The following KDM4B variants were observed in gnomAD, a reference collection of about 807,000 sequenced individuals.
KDM4B encodes lysine demethylase 4B.
Under a neutral mutation model 125.2 loss-of-function variants are expected in KDM4B, and 32 were observed. The observed-to-expected ratio is 0.26, with a 90% CI of 0.19 to 0.34. KDM4B has a LOEUF of 0.34. Ranked by LOEUF, KDM4B falls within the 10% of genes least tolerant of loss-of-function variation. The probability of loss-of-function intolerance (pLI) is 1.00; values close to 1 mark genes in which losing one functional copy is unlikely to be tolerated. For missense variants in KDM4B, 1,190 were observed against 1,577.7 expected, an observed-to-expected ratio of 0.75 and a Z score of 4.16; for synonymous variants, 721 against 677.9, an observed-to-expected ratio of 1.06 and a Z score of -0.99.
intron 1 of KDM4B, among the ~76,000 whole-genome samples, chr19:4,994,461 G>T (rs2035135803): frequency 6.6e-6 from 1 of 151,394 alleles, no homozygotes; most frequent in African/African-American, 2.4e-5. Context: ...TACTCAGGAG[G>T]CTGAGGCAGG....
intron 2 of KDM4B, among the ~76,000 whole-genome samples, chr19:5,019,918 ATGTTGGTGTGGG>A (rs1176569710): frequency 8.3e-5 from 4 of 48,314 alleles, no homozygotes; most frequent in Admixed American, 2.5e-4. Context: ...GTTGGTGTGG[ATGTTGGTGTGGG>A]TGTTGGTGTG....
chr19:5,129,062 G>A lies in KDM4B; in HGVS notation c.1316-2014G>A, dbSNP rs112684252. Among the ~76,000 whole-genome samples the A allele has an allele frequency of 1.5e-3, 228 of 152,328 alleles. 1 individual carries two copies. The highest frequency in any genetic ancestry group is 4.9e-3 in the African/African-American group (203 of 41,580). Reference sequence around the variant, plus strand: ...GGGGGCCAGGGCAGTGGCGGGGGCTGCCTTCACCTTATGGCTGCTCGCCTG... The same window carrying A: ...GGGGGCCAGGGCAGTGGCGGGGGCTACCTTCACCTTATGGCTGCTCGCCTG... On this transcript the variant is annotated intron_variant, in intron 11 of 22. Coordinates refer to ENST00000159111, the MANE Select transcript of KDM4B (RefSeq NM_015015.3).
Position 5,151,541 on chromosome 19 carries a change from C to A in KDM4B, c.*30C>A. 7.6e-7 allele frequency: 1 copy of A among 1,319,090 alleles called. No individual in the cohort carries two copies. Among genetic ancestry groups the A allele is most frequent in the East Asian group, 3.1e-5 (1 of 32,310 alleles). 81.7% of individuals were successfully genotyped at this position (1,319,090 alleles called of 1,614,324 possible). ...GCTGGCCGCTCAGGCGACCCTCAGC[C>A]CGGCGGGGAGGCCATGGCATGCCCC... On this transcript the variant is annotated 3_prime_UTR_variant, in exon 23 of 23. Transcript: ENST00000159111.
intron 9 of KDM4B, among the ~76,000 whole-genome samples, chr19:5,093,917 C>T (rs1157334888): frequency 6.6e-6 from 1 of 152,232 alleles, no homozygotes; most frequent in African/African-American, 2.4e-5. Context: ...TGTCTGCCAC[C>T]TGGGTAGCCC....
chr19:5,055,137 G>A (rs1005516133), intron 6 of KDM4B, among the ~76,000 whole-genome samples: 4 of 152,228 alleles, frequency 2.6e-5, no homozygotes, highest in Non-Finnish European at 4.4e-5. Flanking sequence ...ATTGCGGCCC[G>A]ATTGTGCCCC....
intron 9 of KDM4B, among the ~76,000 whole-genome samples, chr19:5,093,281 A>C (rs1373904586): frequency 6.6e-6 from 1 of 152,206 alleles, no homozygotes; most frequent in Non-Finnish European, 1.5e-5. Context: ...GGGAGGGCCA[A>C]AGGGGACATC....
intron 9 of KDM4B, among the ~76,000 whole-genome samples, chr19:5,104,188 G>C (rs2038991740): frequency 6.6e-6 from 1 of 151,994 alleles, no homozygotes; most frequent in African/African-American, 2.4e-5. Flanking sequence ...CCTCCACCCC[G>C]GCAGCAGCAG....
intron 1 of KDM4B, among the ~76,000 whole-genome samples, chr19:5,012,714 C>G (rs990868102): frequency 2.6e-5 from 4 of 152,204 alleles, no homozygotes; most frequent in African/African-American, 9.6e-5. Context: ...GGTAAGGGCT[C>G]TTCTCATCAC....
intron 11 of KDM4B, among the ~76,000 whole-genome samples, chr19:5,121,252 C>T (rs2039355177): frequency 1.3e-5 from 2 of 152,118 alleles, no homozygotes; most frequent in Admixed American, 1.3e-4. Flanking sequence ...AGAGCAGAGG[C>T]CGGGGGTGAG....
In KDM4B at chr19:5,119,740, AGAGGAGGCTGGGGGCAGCGTGAAG is replaced by A. The variant is rs1431331707; in HGVS notation, c.1216_1239del (p.Gly406_Gly413del). On this transcript the variant is annotated inframe_deletion, in exon 11 of 23. Coordinates refer to ENST00000159111, the MANE Select transcript of KDM4B (RefSeq NM_015015.3). ...AGGGTACGGCTGGGGCAGCGCTCCT[AGAGGAGGCTGGGGGCAGCGTGAAG>A]GAGGAGGCTGGGCCGGAGGTTGACC... 13 of 1,549,998 alleles carry A rather than the reference AGAGGAGGCTGGGGGCAGCGTGAAG, an allele frequency of 8.4e-6. No individual in the cohort carries two copies. The highest frequency in any genetic ancestry group is 4.8e-5 in the South Asian group (4 of 84,068).
chr19:5,040,943 G>A (rs900599730), intron 4 of KDM4B, among the ~76,000 whole-genome samples, 194 bp from the exon 5 acceptor site: 2 of 152,232 alleles, frequency 1.3e-5, no homozygotes, highest in East Asian at 1.9e-4. Context: ...GTGGGTTTGG[G>A]CCACTGCTCG....
intron 1 of KDM4B, among the ~76,000 whole-genome samples, chr19:5,000,157 T>A (rs1303348592): frequency 8.5e-6 from 1 of 118,180 alleles, no homozygotes; most frequent in Non-Finnish European, 1.8e-5. Context: ...TACTCACCTA[T>A]CCATCTATCC....
Position 5,022,335 on chromosome 19 carries a change from C to G in KDM4B, c.-26+5996C>G, listed in dbSNP as rs12463333. Among the ~76,000 whole-genome samples the G allele has an allele frequency of 7.8e-3, 1,189 of 152,308 alleles. 49 individuals carry two copies. Among genetic ancestry groups the G allele is most frequent in the Admixed American group, 0.068 (1,034 of 15,302 alleles). ...GCCTGTCCTTCCTCACACCACCTCT[C>G]TTGGGTACGTAGGGCACAGGGCACA... On this transcript the variant is annotated intron_variant, in intron 2 of 22. Coordinates refer to ENST00000159111, the MANE Select transcript of KDM4B (RefSeq NM_015015.3).
At chr19:5,088,671 C>CA (rs1308228514) in intron 9 of KDM4B, among the ~76,000 whole-genome samples, 1 of 145,630 alleles carries the variant, frequency 6.9e-6, no homozygotes, top group Non-Finnish European at 1.5e-5. Flanking sequence ...CCCCTCCCCC[C>CA]CCCCGCAAAA....
At chr19:5,090,405 T>C (rs1414609917) in intron 9 of KDM4B, among the ~76,000 whole-genome samples, 3 of 22,464 alleles carry the variant, frequency 1.3e-4, no homozygotes, top group Non-Finnish European at 1.5e-4. Flanking sequence ...TCTCTCTCTC[T>C]CTCCCCCTCT....
chr19:5,097,783 C>G (rs370017557), intron 9 of KDM4B, among the ~76,000 whole-genome samples: 1 of 152,194 alleles, frequency 6.6e-6, no homozygotes, highest in East Asian at 1.9e-4. Flanking sequence ...GTTGGCTGTT[C>G]CAGAAAGTCT....
At position 5,035,408 on chromosome 19, in the gene KDM4B, G is replaced by A. The variant is rs577249431; in HGVS notation, c.141+2377G>A. ...TCTTCCGAGGTGCCTTTAAATGCCCGCCCCGTCACTTCTTCCTCATCCCTC... is the reference window on the plus strand; with the variant it reads ...TCTTCCGAGGTGCCTTTAAATGCCCACCCCGTCACTTCTTCCTCATCCCTC... On this transcript the variant is annotated intron_variant, in intron 3 of 22. Coordinates refer to ENST00000159111, the MANE Select transcript of KDM4B (RefSeq NM_015015.3). This position sits in a 1 kb window ranked among gnomAD's most constrained non-coding sequence, Gnocchi z 5.3. 6.6e-6 allele frequency among the ~76,000 whole-genome samples: 1 copy of A among 152,186 alleles called. No individual in the cohort carries two copies. Among genetic ancestry groups the A allele is most frequent in the East Asian group, 1.9e-4 (1 of 5,162 alleles).
intron 9 of KDM4B, among the ~76,000 whole-genome samples, chr19:5,100,130 T>G (rs937930350): frequency 6.6e-6 from 1 of 152,218 alleles, no homozygotes; most frequent in African/African-American, 2.4e-5. Context: ...GGAGGCTTAT[T>G]GAACCCTTTT....
intron 1 of KDM4B, among the ~76,000 whole-genome samples, chr19:4,989,360 CAG>C (rs2034957041): frequency 6.6e-6 from 1 of 152,068 alleles, no homozygotes; most frequent in African/African-American, 2.4e-5. Flanking sequence ...TGTTTTGAGA[CAG>C]AGTCTTGCTC....
Sources: gnomAD v4.1 joint callset for allele counts (sites outside exome capture counted in the v4.1 genomes callset) on GRCh38, gnomAD v4.1.1 for gene constraint, Gnocchi (gnomAD v3.1) non-coding constraint, MANE v1.5 for transcripts, NCBI Gene and HGNC (gene_info 2026-07-23, HGNC 2026-07-21) for gene names.